ANKS1B: variants seen among roughly 807,000 people sequenced by gnomAD.
ANKS1B encodes the protein ankyrin repeat and sterile alpha motif domain containing 1B.
ANKS1B carries 36 observed loss-of-function variants against 148.3 expected under a neutral mutation model. That is an observed-to-expected ratio of 0.24 (90% CI 0.19 to 0.32). The LOEUF (loss-of-function observed/expected upper bound fraction) is 0.32, where lower values mean the gene tolerates loss of function less well. Among genes scored for constraint, ANKS1B ranks in the 10% least tolerant of loss-of-function variants. The probability of loss-of-function intolerance (pLI) is 1.00; values close to 1 mark genes in which losing one functional copy is unlikely to be tolerated. For synonymous variants in ANKS1B, 542 were observed against 560.8 expected (o/e 0.97, Z 0.47); for missense variants, 1,157 against 1,542.6 (o/e 0.75, Z 4.19).
At chr12:99,388,372 G>A (rs2093951851) in intron 12 of ANKS1B, among the ~76,000 whole-genome samples, 1 of 152,160 alleles carries the variant, frequency 6.6e-6, no homozygotes, top group Admixed American at 6.5e-5. Context: ...TTGCATAAGT[G>A]GTTAAGTTGA....
chr12:99,335,372 T>C (rs1432110823), intron 12 of ANKS1B, among the ~76,000 whole-genome samples: 2 of 152,060 alleles, frequency 1.3e-5, no homozygotes, highest in Non-Finnish European at 2.9e-5. Flanking sequence ...AATTATATTG[T>C]TTTAGTTACT....
At chr12:98,870,693 A>G (rs1338337725) in intron 17 of ANKS1B, among the ~76,000 whole-genome samples, 1 of 152,208 alleles carries the variant, frequency 6.6e-6, no homozygotes, top group Non-Finnish European at 1.5e-5. Flanking sequence ...TTGTACAACA[A>G]ATGCAAACAC....
At chr12:99,549,850 A>G (rs981714803) in intron 9 of ANKS1B, among the ~76,000 whole-genome samples, 1 of 152,218 alleles carries the variant, frequency 6.6e-6, no homozygotes, top group South Asian at 2.1e-4. Flanking sequence ...TGTGAAAAAC[A>G]TCCTGCTGGA....
intron 1 of ANKS1B, among the ~76,000 whole-genome samples, chr12:99,901,006 A>G (rs1045586498): frequency 6.6e-6 from 1 of 152,228 alleles, no homozygotes; most frequent in Non-Finnish European, 1.5e-5. Context: ...ATTATCCTCT[A>G]GAAAAGCAAA....
At chr12:99,768,109 A>T (rs1364075980) in intron 8 of ANKS1B, among the ~76,000 whole-genome samples, 1 of 152,204 alleles carries the variant, frequency 6.6e-6, no homozygotes, top group Admixed American at 6.5e-5. Flanking sequence ...AAACACATTA[A>T]TTAAAAATAT....
At chr12:99,487,621 G>A (rs1408124324) in intron 10 of ANKS1B, among the ~76,000 whole-genome samples, 4 of 150,522 alleles carry the variant, frequency 2.7e-5, no homozygotes, top group African/African-American at 9.7e-5. Context: ...AATATGGGGG[G>A]GGGACATTTT....
intron 9 of ANKS1B, among the ~76,000 whole-genome samples, chr12:99,565,267 T>C (rs967139911): frequency 6.6e-6 from 1 of 152,150 alleles, no homozygotes; most frequent in East Asian, 1.9e-4. Flanking sequence ...AAGTCTAAAA[T>C]GGCATCAACT....
intron 9 of ANKS1B, among the ~76,000 whole-genome samples, chr12:99,572,332 G>A (rs1160444517): frequency 6.6e-6 from 1 of 151,896 alleles, no homozygotes; most frequent in Non-Finnish European, 1.5e-5. Context: ...TTTATTATAT[G>A]AGTTTAGGTT....
At chr12:98,927,361 G>T (rs2099809630) in intron 17 of ANKS1B, among the ~76,000 whole-genome samples, 1 of 152,016 alleles carries the variant, frequency 6.6e-6, no homozygotes, top group Non-Finnish European at 1.5e-5. Flanking sequence ...AACCTTCCGG[G>T]GGAAATGAAA....
At chr12:99,243,658 A>G (rs1392375103) in intron 14 of ANKS1B, among the ~76,000 whole-genome samples, 1 of 152,238 alleles carries the variant, frequency 6.6e-6, no homozygotes, top group African/African-American at 2.4e-5. Context: ...CTGGATTAAG[A>G]AAATGTGGCA....
intron 9 of ANKS1B, among the ~76,000 whole-genome samples, chr12:99,613,295 T>C (rs904537314): frequency 9.9e-5 from 15 of 152,154 alleles, no homozygotes; most frequent in Admixed American, 8.5e-4. Context: ...GACAGTGTGA[T>C]GATTTCTCAA....
At position 99,244,372 on chromosome 12, in the gene ANKS1B, C is replaced by T. The variant is rs2089927339; in HGVS notation, c.2389G>A (p.Glu797Lys). 5 of 1,606,868 alleles carry T rather than the reference C, an allele frequency of 3.1e-6. No homozygotes were observed. The highest frequency in any genetic ancestry group is 4.2e-6 in the Non-Finnish European group (5 of 1,177,384). Residue 797 changes from glutamate to lysine, a missense_variant, in exon 14 of 27, where the codon GAA (glutamate) becomes AAA (lysine). Glu to Lys is a moderately conservative substitution (Grantham distance 56). Transcript: ENST00000683438. ...GTCTCACCATTCATCTCTTTAAGTT[C>T]GTTGTTGATTCCAACATCTATGGAA... is the stretch of plus-strand genomic sequence containing the variant. ...MSSIDVGINNELKEMNGETTR... is the reference protein window; with the variant it reads ...MSSIDVGINNKLKEMNGETTR...
intron 12 of ANKS1B, among the ~76,000 whole-genome samples, chr12:99,259,321 G>A (rs1004829940): frequency 1.3e-5 from 2 of 152,218 alleles, no homozygotes; most frequent in African/African-American, 4.8e-5. Flanking sequence ...AATGGTGTTA[G>A]ATAGAGCATG....
At chr12:99,908,090 G>C (rs11110115) in intron 1 of ANKS1B, among the ~76,000 whole-genome samples, 1 of 152,116 alleles carries the variant, frequency 6.6e-6, no homozygotes, top group Non-Finnish European at 1.5e-5. Context: ...ATAACCCTAA[G>C]AGTTGAAATC....
At chr12:99,480,069 T>C (rs1001075403) in intron 10 of ANKS1B, among the ~76,000 whole-genome samples, 2 of 151,736 alleles carry the variant, frequency 1.3e-5, no homozygotes, top group Non-Finnish European at 3.0e-5. Context: ...AAAAAATACA[T>C]AGATGACTAG....
At chr12:99,718,860 A>G (rs12231396) in intron 8 of ANKS1B, among the ~76,000 whole-genome samples, 66,299 of 152,044 alleles carry the variant, frequency 0.44, 14,854 homozygotes, top group South Asian at 0.61. Context: ...CTGTACTGCC[A>G]CAAGGCTTCA....
chr12:99,204,884 G>C lies in ANKS1B; in HGVS notation c.2419+39458C>G, dbSNP rs538356734. Among the ~76,000 whole-genome samples, 3 of 152,258 alleles carry C rather than the reference G, an allele frequency of 2.0e-5. No homozygotes were observed. In the South Asian group the frequency reaches 6.2e-4, roughly 32 times the overall value. On this transcript the variant is annotated intron_variant, in intron 14 of 26. Coordinates refer to ENST00000683438, the MANE Select transcript of ANKS1B (RefSeq NM_001352186.2). Reference sequence around the variant, plus strand: ...AATTTAACCCTTGATTTTCTTGAGGGCAGTAAAGTTGTCTTAGGTTCTTTT... The same window carrying C: ...AATTTAACCCTTGATTTTCTTGAGGCCAGTAAAGTTGTCTTAGGTTCTTTT...
intron 4 of ANKS1B, among the ~76,000 whole-genome samples, chr12:99,786,599 A>C (rs1413230271): frequency 6.6e-6 from 1 of 152,198 alleles, no homozygotes; most frequent in African/African-American, 2.4e-5. Context: ...ATGCCTAACC[A>C]CAATTCTACA....
At chr12:99,551,727 T>C (rs1176814907) in intron 9 of ANKS1B, among the ~76,000 whole-genome samples, 2 of 152,134 alleles carry the variant, frequency 1.3e-5, no homozygotes, top group African/African-American at 4.8e-5. Flanking sequence ...AATAATCTTT[T>C]TTGAGACACA....
Sources: gnomAD v4.1 joint callset for allele counts (sites outside exome capture counted in the v4.1 genomes callset) on GRCh38, gnomAD v4.1.1 for gene constraint, MANE v1.5 for transcripts, NCBI Gene and HGNC (gene_info 2026-07-23, HGNC 2026-07-21) for gene names.